CPED1: variants seen among roughly 807,000 people sequenced by gnomAD.
The protein encoded by CPED1 is cadherin like and PC-esterase domain containing 1, also known as cadherin-like and PC-esterase domain-containing protein 1.
Under a neutral mutation model 128.2 loss-of-function variants are expected in CPED1, and 114 were observed. The observed-to-expected ratio is 0.89, with a 90% CI of 0.76 to 1.04. The LOEUF is 1.04. Among genes scored for constraint, CPED1 ranks in the 50% least tolerant of loss-of-function variants. CPED1 has a pLI of 0.00. For missense variants in CPED1, 1,211 were observed against 1,207.1 expected (o/e 1.00, Z -0.05); for synonymous variants, 462 against 426.7 (o/e 1.08, Z -1.02).
chr7:121,281,389 A>C (rs944595401), intron 22 of CPED1, among the ~76,000 whole-genome samples: 3 of 152,302 alleles, frequency 2.0e-5, no homozygotes, highest in African/African-American at 7.2e-5. Flanking sequence ...TAATTCAAAC[A>C]ATTTTTTGTT....
At chr7:121,249,478 C>A (rs548473844) in intron 18 of CPED1, among the ~76,000 whole-genome samples, 2 of 152,158 alleles carry the variant, frequency 1.3e-5, no homozygotes, top group African/African-American at 2.4e-5. Context: ...TGGCAGCAGA[C>A]CTTTCAGCAG....
At chr7:121,052,696 T>C (rs932972116) in intron 4 of CPED1, among the ~76,000 whole-genome samples, 8 of 152,114 alleles carry the variant, frequency 5.3e-5, no homozygotes, top group African/African-American at 1.2e-4. Flanking sequence ...GCGTCAGTTA[T>C]GCTGATATTC....
At chr7:120,993,505 T>C (rs1796343126) in intron 2 of CPED1, among the ~76,000 whole-genome samples, 2 of 152,224 alleles carry the variant, frequency 1.3e-5, no homozygotes, top group African/African-American at 4.8e-5. Flanking sequence ...GATCAAAACA[T>C]AGCCCAGTGC....
chr7:121,291,647 TC>T (rs1340173826), intron 22 of CPED1, among the ~76,000 whole-genome samples: 1 of 152,238 alleles, frequency 6.6e-6, no homozygotes, highest in African/African-American at 2.4e-5. Context: ...TGCACATTGA[TC>T]TTGTATCCTG....
At chr7:121,078,931 G>A (rs1330078142) in intron 5 of CPED1, among the ~76,000 whole-genome samples, 1 of 152,212 alleles carries the variant, frequency 6.6e-6, no homozygotes, top group Non-Finnish European at 1.5e-5. Flanking sequence ...CAGCAGAGCT[G>A]CTTTCTTCTG....
At chr7:121,292,155 G>A (rs926513998) in intron 22 of CPED1, among the ~76,000 whole-genome samples, 5 of 152,090 alleles carry the variant, frequency 3.3e-5, no homozygotes, top group Middle Eastern at 3.4e-3. Flanking sequence ...CCAATCAAAT[G>A]TAGGCTTGGT....
intron 16 of CPED1, among the ~76,000 whole-genome samples, chr7:121,170,295 G>A (rs1194581491): frequency 6.6e-6 from 1 of 152,176 alleles, no homozygotes; most frequent in East Asian, 1.9e-4. Flanking sequence ...GTGGCTTTAA[G>A]CAGGTTGCCT....
chr7:121,118,194 A>G (rs1030958885), intron 7 of CPED1, among the ~76,000 whole-genome samples: 11 of 152,194 alleles, frequency 7.2e-5, no homozygotes, highest in Non-Finnish European at 2.9e-5. Context: ...TATTTAAAAT[A>G]TTAATACTGA....
intron 7 of CPED1, among the ~76,000 whole-genome samples, chr7:121,105,519 A>G (rs1019134927): frequency 6.6e-6 from 1 of 152,140 alleles, no homozygotes; most frequent in African/African-American, 2.4e-5. Flanking sequence ...TGTAGAAAGA[A>G]TGTGAATAAA....
intron 10 of CPED1, among the ~76,000 whole-genome samples, chr7:121,127,983 GC>G (rs1283836344): frequency 2.0e-5 from 3 of 152,128 alleles, no homozygotes; most frequent in African/African-American, 7.2e-5. Flanking sequence ...GTCTAGAATA[GC>G]AGTGAGTGCT....
At chr7:121,075,263 T>G (rs555596463) in intron 5 of CPED1, among the ~76,000 whole-genome samples, 2 of 152,284 alleles carry the variant, frequency 1.3e-5, no homozygotes, top group East Asian at 1.9e-4. Context: ...AGAAAATGAT[T>G]AGCATCACAA....
chr7:121,162,702 C>T (rs1170417566), intron 16 of CPED1, among the ~76,000 whole-genome samples: 1 of 152,184 alleles, frequency 6.6e-6, no homozygotes, highest in African/African-American at 2.4e-5. Flanking sequence ...GTTTCCTCTC[C>T]ATCTCACTGT....
chr7:121,205,662 T>C (rs1015285119), intron 16 of CPED1, among the ~76,000 whole-genome samples: 3 of 152,054 alleles, frequency 2.0e-5, no homozygotes, highest in African/African-American at 7.2e-5. Context: ...TTCATTTTGC[T>C]GAATTTTCTT....
chr7:121,137,751 C>T (rs1020262662), intron 14 of CPED1, among the ~76,000 whole-genome samples: 1 of 152,032 alleles, frequency 6.6e-6, no homozygotes, highest in Admixed American at 6.6e-5. Context: ...AAAATACATG[C>T]TACTCCATTC....
At chr7:121,136,762 G>A (rs1438137058) in intron 14 of CPED1, among the ~76,000 whole-genome samples, 1 of 152,006 alleles carries the variant, frequency 6.6e-6, no homozygotes, top group African/African-American at 2.4e-5. Context: ...TTTAGGCCGG[G>A]CACAGTGGCA....
chr7:121,036,540 T>A (rs567182969), intron 3 of CPED1, among the ~76,000 whole-genome samples: 4 of 150,328 alleles, frequency 2.7e-5, no homozygotes, highest in Non-Finnish European at 5.9e-5. Flanking sequence ...ACTCATTGAT[T>A]GATGAGCATT....
intron 22 of CPED1, among the ~76,000 whole-genome samples, chr7:121,288,033 ATTGT>A (rs531789764): frequency 3.3e-5 from 5 of 152,112 alleles, no homozygotes; most frequent in Non-Finnish European, 7.4e-5. Flanking sequence ...GTTACATATA[ATTGT>A]TTGGTAATTT....
chr7:121,000,378 A>C (rs1290760428), intron 2 of CPED1, among the ~76,000 whole-genome samples: 1 of 152,198 alleles, frequency 6.6e-6, no homozygotes, highest in African/African-American at 2.4e-5. Flanking sequence ...TTCGGAAAGA[A>C]ACGTGACAAT....
Position 121,115,834 on chromosome 7 carries a change from C to A in CPED1, c.919-8497C>A, listed in dbSNP as rs185924038. On this transcript the variant is annotated intron_variant, in intron 7 of 22. Transcript: ENST00000310396. ...TAGTTGTGACCTGCTCGAACAATGG[C>A]ATTCATATAAAGAAAATGAGCAGGC... is the stretch of plus-strand genomic sequence containing the variant. Among the ~76,000 whole-genome samples, 465 of 152,238 alleles carry A rather than the reference C, an allele frequency of 3.1e-3. 6 individuals are homozygous for A. The highest frequency in any genetic ancestry group is 0.028 in the Admixed American group (427 of 15,282).
Sources: allele counts gnomAD v4.1 joint callset (sites outside exome capture counted in the v4.1 genomes callset), GRCh38; gene constraint gnomAD v4.1.1; transcripts MANE v1.5; gene names NCBI Gene and HGNC (gene_info 2026-07-23, HGNC 2026-07-21).